The following ACSL6 variants were observed in gnomAD, a reference collection of about 807,000 sequenced individuals.
ACSL6 encodes the protein long-chain-fatty-acid--CoA ligase 6.
ACSL6 carries 47 observed loss-of-function variants against 98.2 expected under a neutral mutation model. The ratio of observed to expected loss-of-function variants is 0.48; its 90% CI spans 0.38 to 0.61. The LOEUF is 0.61. Among genes scored for constraint, ACSL6 ranks in the 20% least tolerant of loss-of-function variants. ACSL6 has a pLI of 0.00. For missense variants in ACSL6, 761 were observed against 913.4 expected, an observed-to-expected ratio of 0.83 and a Z score of 2.15; for synonymous variants, 362 against 336.9, an observed-to-expected ratio of 1.07 and a Z score of -0.82.
At position 131,953,012 on chromosome 5, in the gene ACSL6, A is replaced by T. The variant is rs1438794400; in HGVS notation, c.*1222T>A. ...GGGTTTCCAGGCATAGCATGGGCACATTGGGAATGGAAGACTAGAAGACCC... is the reference window on the plus strand; with the variant it reads ...GGGTTTCCAGGCATAGCATGGGCACTTTGGGAATGGAAGACTAGAAGACCC... On this transcript the variant is annotated 3_prime_UTR_variant, in exon 21 of 21. Coordinates refer to ENST00000651883, the MANE Select transcript of ACSL6 (RefSeq NM_001009185.3). The T allele has an allele frequency of 4.8e-6, 1 of 208,880 alleles. No individual in the cohort carries two copies. Among genetic ancestry groups the T allele is most frequent in the Non-Finnish European group, 9.7e-6 (1 of 102,840 alleles). 12.9% of individuals were successfully genotyped at this position (208,880 alleles called of 1,614,324 possible).
chr5:131,986,847 C>T lies in ACSL6; in HGVS notation c.839G>A (p.Gly280Asp), dbSNP rs1460208643. Residue 280 changes from glycine (G) to aspartate (D), a missense_variant, in exon 8 of 21, where the codon GGC (glycine) becomes GAC (aspartate). Physicochemically the swap from Gly to Asp is moderately conservative, Grantham distance 94. Transcript: ENST00000651883. The part of the protein sequence containing the change: ...IKSMQAVEDC[G>D]QENHQAPVPP... ...CACAGGAGCCTGGTGATTCTCTTGGCCACAGTCCTGAAAGAAGAAAATGCT... is the reference window on the plus strand; with the variant it reads ...CACAGGAGCCTGGTGATTCTCTTGGTCACAGTCCTGAAAGAAGAAAATGCT... 2 of 1,614,170 alleles carry T rather than the reference C, an allele frequency of 1.2e-6. No individual in the cohort carries two copies. The highest frequency in any genetic ancestry group is 2.7e-5 in the African/African-American group (2 of 75,036).
chr5:131,970,309 G>T, intron 14 of ACSL6, 109 bp from the exon 15 acceptor site: 1 of 938,856 alleles, frequency 1.1e-6, no homozygotes, highest in Non-Finnish European at 1.7e-6. Context: ...ACTGCTTCAT[G>T]ATCAGGGCGA....
intron 3 of ACSL6, 108 bp downstream of exon 3, chr5:131,990,745 G>T: frequency 1.0e-6 from 1 of 989,630 alleles, no homozygotes; most frequent in Non-Finnish European, 1.6e-6. Flanking sequence ...TGAACCTGGG[G>T]ATAGCTCACC....
rs760713284 is a variant in ACSL6 at position 131,974,990 on chromosome 5, G to A, written c.991-20C>T. 2 of 1,611,616 alleles carry A rather than the reference G, an allele frequency of 1.2e-6. No homozygotes were observed. Among genetic ancestry groups the A allele is most frequent in the Non-Finnish European group, 1.7e-6 (2 of 1,178,828 alleles). On this transcript the variant is annotated intron_variant, in intron 10 of 20. Transcript: ENST00000651883. ...CACTTTCTGCAGGCGACGGGCATGG[G>A]AGACAGAAAGGAAAGAAACACTGAC...
chr5:131,988,817 T>C lies in ACSL6; in HGVS notation c.640A>G (p.Ile214Val), dbSNP rs746439546. The C allele has an allele frequency of 6.2e-7, 1 of 1,613,304 alleles. No homozygotes were observed. Among genetic ancestry groups the C allele is most frequent in the South Asian group, 1.1e-5 (1 of 91,026 alleles). Residue 214 changes from isoleucine to valine, a missense_variant, in exon 6 of 21, where the codon ATC becomes GTC. Physicochemically the swap from Ile to Val is conservative, Grantham distance 29 (BLOSUM62 3). Transcript: ENST00000651883. ...GCAGTGGGCTTACCTGTATTGATGATGTAGCGGATAGCCCCAGGGCCCAGG... is the reference window on the plus strand; with the variant it reads ...GCAGTGGGCTTACCTGTATTGATGACGTAGCGGATAGCCCCAGGGCCCAGG... ...DTLGPGAIRY[I>V]INTADISTVI...
intron 4 of ACSL6, 65 bp downstream of exon 4, chr5:131,990,035 C>T: frequency 1.3e-6 from 2 of 1,553,944 alleles, no homozygotes; most frequent in East Asian, 4.5e-5. Context: ...CACATCCCTC[C>T]CTACCTGCCC....
rs75764331 is a variant in ACSL6, at chr5:131,963,326, G to A, written c.1714-648C>T. ...CGTCCTCACCTCCCTGACTCTCCTT[G>A]ACCTTTCTGAGCTTCCAAGGTGATT... On this transcript the variant is annotated intron_variant, in intron 17 of 20. Transcript: ENST00000651883. Among the ~76,000 whole-genome samples the A allele has an allele frequency of 1.0e-3, 159 of 152,136 alleles. 1 individual carries two copies. The highest frequency in any genetic ancestry group is 3.3e-3 in the African/African-American group (137 of 41,498).
intron 9 of ACSL6, among the ~76,000 whole-genome samples, chr5:131,979,431 TA>T (rs1034173008): frequency 6.6e-5 from 10 of 151,882 alleles, no homozygotes; most frequent in East Asian, 3.9e-4. Flanking sequence ...TCTTCATTGA[TA>T]AAAAAAAATT....
At chr5:131,978,328 T>G (rs1167024123) in intron 9 of ACSL6, among the ~76,000 whole-genome samples, 1 of 151,990 alleles carries the variant, frequency 6.6e-6, no homozygotes, top group Non-Finnish European at 1.5e-5. Context: ...AAATCAAGAG[T>G]GCTCATGAAG....
At chr5:131,987,278 T>C (rs1262163139) in intron 7 of ACSL6, among the ~76,000 whole-genome samples, 1 of 152,128 alleles carries the variant, frequency 6.6e-6, no homozygotes, top group Non-Finnish European at 1.5e-5. Flanking sequence ...TGTGAGCATG[T>C]TGGGTTTAAA....
intron 1 of ACSL6, among the ~76,000 whole-genome samples, chr5:131,994,856 G>A (rs538578216): frequency 6.6e-6 from 1 of 152,334 alleles, no homozygotes; most frequent in South Asian, 2.1e-4. Flanking sequence ...CTATCTGACT[G>A]TATGAGCACT....
intron 8 of ACSL6, 58 bp downstream of exon 8, chr5:131,986,764 G>C: frequency 6.2e-7 from 1 of 1,601,788 alleles, no homozygotes; most frequent in Non-Finnish European, 8.6e-7. Flanking sequence ...GGGACTCTGT[G>C]AGGACAGGCC....
In ACSL6 at chr5:131,988,125, T is replaced by C. The variant is rs1754296662; in HGVS notation, c.754A>G (p.Met252Val). ...TTCAGGGCTTCTTCGAATGGGTCCA[T>C]GAGGATGATCAGCTTGAGGCCTGGA... is the stretch of plus-strand genomic sequence containing the variant. ...ETPGLKLIIL[M>V]DPFEEALKER... Residue 252 changes from methionine to valine, a missense_variant, in exon 7 of 21, where the codon ATG (methionine) becomes GTG (valine). Transcript: ENST00000651883. The C allele has an allele frequency of 1.2e-6, 2 of 1,613,692 alleles. No individual in the cohort carries two copies. The highest frequency in any genetic ancestry group is 8.5e-7 in the Non-Finnish European group (1 of 1,179,592).
intron 10 of ACSL6, chr5:131,975,969 T>G: frequency 2.0e-6 from 2 of 985,460 alleles, no homozygotes; most frequent in Non-Finnish European, 2.4e-6. Context: ...GGGCACACAC[T>G]TCATAATGTC....
intron 16 of ACSL6, among the ~76,000 whole-genome samples, chr5:131,967,475 A>C (rs944829785): frequency 9.4e-4 from 143 of 151,658 alleles, no homozygotes; most frequent in Non-Finnish European, 4.3e-4. Flanking sequence ...CATCCTGTCT[A>C]ACACGGTGAA....
At chr5:131,987,884 C>G (rs1170334523) in intron 7 of ACSL6, among the ~76,000 whole-genome samples, 164 bp downstream of exon 7, 1 of 152,194 alleles carries the variant, frequency 6.6e-6, no homozygotes, top group Non-Finnish European at 1.5e-5. Context: ...ACCAACCCCA[C>G]CACTCACCAC....
chr5:132,000,744 A>G (rs1755043735), intron 1 of ACSL6, among the ~76,000 whole-genome samples: 1 of 152,158 alleles, frequency 6.6e-6, no homozygotes, highest in South Asian at 2.1e-4. Flanking sequence ...CTTCTGGGCA[A>G]TTACGAGTCT....
chr5:132,007,463 A>AGCTAACATGGCTGGCTGATCATGCCTG (rs1755476358), intron 1 of ACSL6, among the ~76,000 whole-genome samples: 2 of 152,216 alleles, frequency 1.3e-5, no homozygotes, highest in Non-Finnish European at 2.9e-5. Flanking sequence ...TTATAATTTT[A>AGCTAACATGGCTGGCTGATCATGCCTG]GCTAACATGG....
At position 131,957,183 on chromosome 5, in the gene ACSL6, TA is replaced by T. The variant is rs965783048; in HGVS notation, c.2031+2352del. On this transcript the variant is annotated intron_variant, in intron 20 of 20. Transcript: ENST00000651883. Reference sequence around the variant, plus strand: ...TAATTTAGAACAGGAGAGATAAAGTTAAAAAAAAACAATTACATGAGTTAGG... The same window carrying T: ...TAATTTAGAACAGGAGAGATAAAGTTAAAAAAAACAATTACATGAGTTAGG... Among the ~76,000 whole-genome samples, 414 of 151,224 alleles carry T rather than the reference TA, an allele frequency of 2.7e-3. 1 individual carries two copies. The highest frequency in any genetic ancestry group is 7.7e-3 in the African/African-American group (319 of 41,274).
Sources: allele counts gnomAD v4.1 joint callset (sites outside exome capture counted in the v4.1 genomes callset), GRCh38; gene constraint gnomAD v4.1.1; transcripts MANE v1.5; gene names NCBI Gene and HGNC (gene_info 2026-07-23, HGNC 2026-07-21).